The following SFTPD variants were observed in gnomAD, a reference collection of about 807,000 sequenced individuals.
SFTPD encodes pulmonary surfactant-associated protein D.
SFTPD carries 18 observed loss-of-function variants against 34.6 expected under a neutral mutation model. The observed-to-expected ratio is 0.52, with a 90% CI of 0.36 to 0.77. The LOEUF (loss-of-function observed/expected upper bound fraction) is 0.77, where lower values mean the gene tolerates loss of function less well. Among genes scored for constraint, SFTPD ranks in the 30% least tolerant of loss-of-function variants. The pLI, the probability that SFTPD is intolerant of heterozygous loss-of-function variation, is 0.00. For synonymous variants in SFTPD, 155 were observed against 180.9 expected (o/e 0.86, Z 1.15); for missense variants, 433 against 468.9 (o/e 0.92, Z 0.71).
At chr10:79,975,678 A>G (rs1842860646) in intron 1 of SFTPD, among the ~76,000 whole-genome samples, 1 of 152,232 alleles carries the variant, frequency 6.6e-6, no homozygotes, top group South Asian at 2.1e-4. Flanking sequence ...CAGGGGTCTC[A>G]CAGCCTTCAG....
chr10:79,940,868 G>A, intron 6 of SFTPD, 80 bp from the exon 7 acceptor site: 2 of 943,570 alleles, frequency 2.1e-6, no homozygotes, highest in Middle Eastern at 2.2e-4. Flanking sequence ...CAAAGGAAGG[G>A]TGTCTAGTTT....
intron 1 of SFTPD, chr10:79,972,323 C>G (rs1842839014): frequency 6.6e-6 from 1 of 152,212 alleles, no homozygotes; most frequent in Admixed American, 6.5e-5. Flanking sequence ...CATAGTGAAA[C>G]CCCGTCTCTA....
In SFTPD at chr10:79,940,705, C is replaced by T; in HGVS notation, c.751G>A (p.Val251Ile). 6.3e-7 allele frequency: 1 copy of T among 1,593,000 alleles called. No individual in the cohort carries two copies. Among genetic ancestry groups the T allele is most frequent in the Non-Finnish European group, 8.6e-7 (1 of 1,162,242 alleles). Residue 251 changes from valine to isoleucine, a missense_variant and splice_region_variant, in exon 7 of 8, where the codon GTT (valine) becomes ATT (isoleucine). Coordinates refer to ENST00000372292, the MANE Select transcript of SFTPD (RefSeq NM_003019.5). ...LQAAFSQYKKVELFPNGQSVG... is the reference protein window; with the variant it reads ...LQAAFSQYKKIELFPNGQSVG... The stretch of plus-strand genomic sequence containing the variant: ...TCCAGGTTCAGATCCAGGAACTCAC[C>T]TTTCTTATACTGAGAGAAAGCAGCC...
At chr10:79,959,985 T>C (rs1023351285) in intron 1 of SFTPD, among the ~76,000 whole-genome samples, 1 of 152,052 alleles carries the variant, frequency 6.6e-6, no homozygotes, top group Non-Finnish European at 1.5e-5. Flanking sequence ...GCAAGGCTGG[T>C]TCAACATACA....
intron 1 of SFTPD, among the ~76,000 whole-genome samples, chr10:79,958,628 A>G (rs1389091006): frequency 6.6e-6 from 1 of 152,220 alleles, no homozygotes; most frequent in East Asian, 1.9e-4. Context: ...ATACAGGAGC[A>G]CCCAGATTCA....
upstream of SFTPD, among the ~76,000 whole-genome samples, chr10:79,949,491 A>C (rs1413353720): frequency 6.6e-6 from 1 of 152,180 alleles, no homozygotes; most frequent in Admixed American, 6.5e-5. Flanking sequence ...TGCTGTGTCC[A>C]CTTCTCCTCT....
chr10:79,978,643 C>T (rs1485298396), intron 1 of SFTPD, among the ~76,000 whole-genome samples: 1 of 108,432 alleles, frequency 9.2e-6, no homozygotes, highest in South Asian at 3.8e-4. Context: ...CAGAGTGACA[C>T]CCTGTCTCAA....
At chr10:79,965,149 A>G (rs1842796455) in intron 1 of SFTPD, among the ~76,000 whole-genome samples, 1 of 152,174 alleles carries the variant, frequency 6.6e-6, no homozygotes, top group Admixed American at 6.6e-5. Flanking sequence ...TCTGTCAAGT[A>G]TAGAGCCCAA....
At chr10:79,963,974 C>G (rs919790427) in intron 1 of SFTPD, among the ~76,000 whole-genome samples, 1 of 152,094 alleles carries the variant, frequency 6.6e-6, no homozygotes, top group Admixed American at 6.5e-5. Context: ...CTGTTCCTCA[C>G]CCTGATCATA....
chr10:79,978,717 T>C (rs1290840880), intron 1 of SFTPD, among the ~76,000 whole-genome samples: 1 of 145,282 alleles, frequency 6.9e-6, no homozygotes, highest in Non-Finnish European at 1.5e-5. Context: ...AAAGGCCTTA[T>C]ATGACAAATC....
intron 1 of SFTPD, 70 bp downstream of exon 1, chr10:79,948,996 C>G (rs1418374858): frequency 6.6e-6 from 1 of 152,184 alleles, no homozygotes; most frequent in Non-Finnish European, 1.5e-5. Flanking sequence ...GGTTGAATTG[C>G]CCAGGTCGGC....
intron 1 of SFTPD, among the ~76,000 whole-genome samples, chr10:79,980,974 A>G (rs576953663): frequency 6.6e-6 from 1 of 152,278 alleles, no homozygotes; most frequent in East Asian, 1.9e-4. Context: ...ACCTCACCAA[A>G]CTAAATAAGG....
At chr10:79,982,142 C>A (rs1172442374) in intron 1 of SFTPD, 2 of 360,630 alleles carry the variant, frequency 5.5e-6, no homozygotes, top group Non-Finnish European at 9.5e-6. Context: ...GCTCTCCGGG[C>A]GCGCCTGGCG....
intron 1 of SFTPD, chr10:79,972,004 A>T (rs1444153898): frequency 6.6e-6 from 1 of 152,110 alleles, no homozygotes; most frequent in African/African-American, 2.4e-5. Context: ...CTCCCTTTCA[A>T]TGAGGATTAA....
chr10:79,967,772 AG>A (rs554257849), intron 1 of SFTPD, among the ~76,000 whole-genome samples: 71 of 152,126 alleles, frequency 4.7e-4, no homozygotes, highest in African/African-American at 1.6e-3. Flanking sequence ...GAATCACAAA[AG>A]AAGTGAAAAT....
chr10:79,940,378 G>A (rs959510110), intron 7 of SFTPD, among the ~76,000 whole-genome samples: 2 of 152,226 alleles, frequency 1.3e-5, no homozygotes, highest in Non-Finnish European at 2.9e-5. Flanking sequence ...TAGTTCAGGA[G>A]CCTGATGGCC....
intron 1 of SFTPD, among the ~76,000 whole-genome samples, chr10:79,978,572 T>C (rs745605677): frequency 7.0e-6 from 1 of 143,320 alleles, no homozygotes; most frequent in Non-Finnish European, 1.5e-5. Context: ...GGATCACTTG[T>C]GCCTGGGAGG....
In SFTPD at chr10:79,937,797, C is replaced by T. The variant is rs1842570682; in HGVS notation, c.*55G>A. The T allele has an allele frequency of 6.7e-7, 1 of 1,502,798 alleles. No homozygotes were observed. The highest frequency in any genetic ancestry group is 1.4e-5 in the African/African-American group (1 of 71,388). The allele number at this position is 1,502,798 out of a possible 1,614,324, so 93.1% of individuals were successfully genotyped here. ...ATATTGGCAGCATGAGGGTCTAAGC[C>T]TTGACTTCTGGCCAAACTCCTGGGC... On this transcript the variant is annotated 3_prime_UTR_variant, in exon 8 of 8. Coordinates refer to ENST00000372292, the MANE Select transcript of SFTPD (RefSeq NM_003019.5).
rs376498891 is a variant in SFTPD at position 79,945,042 on chromosome 10, C to T, written c.199+1419G>A. Among the ~76,000 whole-genome samples, 4 of 152,138 alleles carry T rather than the reference C, an allele frequency of 2.6e-5. No individual in the cohort carries two copies. The East Asian group carries it at 5.8e-4, about 22-fold the overall frequency. Reference sequence around the variant, plus strand: ...AACAGTGGAGTGACTGGAGAGACTGCGATTGAGAAGCCAGAGTGGAGCCTC... The same window carrying T: ...AACAGTGGAGTGACTGGAGAGACTGTGATTGAGAAGCCAGAGTGGAGCCTC... On this transcript the variant is annotated intron_variant, in intron 2 of 7. Coordinates refer to ENST00000372292, the MANE Select transcript of SFTPD (RefSeq NM_003019.5).
Sources: gnomAD v4.1 joint callset for allele counts (sites outside exome capture counted in the v4.1 genomes callset) on GRCh38, gnomAD v4.1.1 for gene constraint, MANE v1.5 for transcripts, NCBI Gene and HGNC (gene_info 2026-07-23, HGNC 2026-07-21) for gene names.